POLK: variants seen among roughly 807,000 people sequenced by gnomAD.
POLK encodes DNA polymerase kappa, also known as polymerase (DNA directed) kappa.
In POLK, 76 loss-of-function variants were observed where a neutral mutation model predicts 94.0. That is an observed-to-expected ratio of 0.81 (90% CI 0.67 to 0.98). The LOEUF (loss-of-function observed/expected upper bound fraction) is 0.98. Among genes scored for constraint, POLK ranks in the 50% least tolerant of loss-of-function variants. The probability of loss-of-function intolerance (pLI) is 0.00; values close to 1 mark genes in which losing one functional copy is unlikely to be tolerated. For synonymous variants in POLK, 349 were observed against 325.4 expected (o/e 1.07, Z -0.78); for missense variants, 954 against 1,010.1 (o/e 0.94, Z 0.75).
At chr5:75,577,136 A>T (rs1771926678) in intron 6 of POLK, among the ~76,000 whole-genome samples, 1 of 152,214 alleles carries the variant, frequency 6.6e-6, no homozygotes. Context: ...TATAAACAAA[A>T]TGTGATTGTT....
intron 9 of POLK, 101 bp downstream of exon 9, chr5:75,585,027 C>T (rs1469798830): frequency 1.3e-6 from 1 of 754,532 alleles, no homozygotes; most frequent in Non-Finnish European, 2.2e-6. Context: ...TTTTAAAATT[C>T]TTTCAGGCTA....
chr5:75,518,383 AT>A (rs1768414858), intron 1 of POLK, among the ~76,000 whole-genome samples: 1 of 152,134 alleles, frequency 6.6e-6, no homozygotes, highest in Non-Finnish European at 1.5e-5. Flanking sequence ...GTGTCCAGGA[AT>A]TTATTAATTT....
chr5:75,567,097 C>G (rs941873312), intron 3 of POLK, among the ~76,000 whole-genome samples: 2 of 152,136 alleles, frequency 1.3e-5, no homozygotes, highest in African/African-American at 4.8e-5. Flanking sequence ...CTTTTGGCAA[C>G]TACACTTGCT....
chr5:75,583,331 G>A (rs766628193), exon 8 of POLK: 1 of 1,605,336 alleles, frequency 6.2e-7, no homozygotes, highest in South Asian at 1.1e-5. Flanking sequence ...AGTATGCAGT[G>A]ATAAGAATAA....
intron 1 of POLK, among the ~76,000 whole-genome samples, chr5:75,542,080 G>A (rs1031508557): frequency 1.6e-4 from 24 of 152,186 alleles, no homozygotes; most frequent in African/African-American, 5.1e-4. Context: ...AGAATAACGA[G>A]CATTTAATCA....
intron 3 of POLK, among the ~76,000 whole-genome samples, chr5:75,563,746 C>A (rs58789089): frequency 6.6e-6 from 1 of 152,044 alleles, no homozygotes; most frequent in Non-Finnish European, 1.5e-5. Context: ...AATTTGATTG[C>A]GCTGTGGTCT....
At chr5:75,609,155 TAA>T in the POLK span, 1 of 152,176 alleles carries the variant, frequency 6.6e-6, no homozygotes, top group Non-Finnish European at 1.5e-5. Context: ...CTGTCATTGA[TAA>T]GAGGATTTTT....
At position 75,576,710 on chromosome 5, in the gene POLK, A is replaced by G. The variant is rs2112797285; in HGVS notation, c.541-70A>G. 3 of 683,370 alleles carry G rather than the reference A, an allele frequency of 4.4e-6. No individual in the cohort carries two copies. The South Asian group carries it at 1.1e-4, about 26-fold the overall frequency. The allele number at this position is 683,370 out of a possible 1,614,324, so 42.3% of individuals were successfully genotyped here. ...CAAACTAAGAATATTAACATTTCTTATCAGCTACATATGACAGAAGAAGTT... is the reference window on the plus strand; with the variant it reads ...CAAACTAAGAATATTAACATTTCTTGTCAGCTACATATGACAGAAGAAGTT... On this transcript the variant is annotated intron_variant, in intron 5 of 14. Coordinates refer to ENST00000241436, the Ensembl canonical transcript of POLK.
chr5:75,527,546 C>T (rs1053742096), intron 1 of POLK, among the ~76,000 whole-genome samples: 2 of 144,108 alleles, frequency 1.4e-5, no homozygotes, highest in Non-Finnish European at 3.0e-5. Flanking sequence ...CACACAAGTA[C>T]GTGTGTGTAT....
intron 1 of POLK, among the ~76,000 whole-genome samples, chr5:75,513,118 G>A (rs1935083298): frequency 6.6e-6 from 1 of 152,186 alleles, no homozygotes; most frequent in Non-Finnish European, 1.5e-5. Flanking sequence ...ATTCTGAATG[G>A]TTGGTAGCAT....
intron 1 of POLK, among the ~76,000 whole-genome samples, chr5:75,513,928 T>C (rs1249021078): frequency 1.3e-5 from 2 of 152,148 alleles, no homozygotes; most frequent in Admixed American, 1.3e-4. Flanking sequence ...TGTGGTGGTA[T>C]ATTAGGTATC....
the POLK span, chr5:75,609,716 A>G: frequency 6.6e-6 from 1 of 152,154 alleles, no homozygotes; most frequent in African/African-American, 2.4e-5. Flanking sequence ...TCATATCTCT[A>G]TTACAAACAT....
At chr5:75,530,577 G>A (rs1769124222) in intron 1 of POLK, among the ~76,000 whole-genome samples, 1 of 150,706 alleles carries the variant, frequency 6.6e-6, no homozygotes, top group South Asian at 2.1e-4. Flanking sequence ...ACATACCTCA[G>A]TTTCCTCATC....
intron 1 of POLK, among the ~76,000 whole-genome samples, chr5:75,530,974 T>A (rs1335477225): frequency 1.3e-5 from 2 of 151,646 alleles, no homozygotes; most frequent in Admixed American, 6.6e-5. Flanking sequence ...CCCGGCTAAT[T>A]TTTTGTATTT....
intron 11 of POLK, among the ~76,000 whole-genome samples, chr5:75,591,006 G>A (rs1289822029): frequency 6.6e-6 from 1 of 152,100 alleles, no homozygotes; most frequent in Non-Finnish European, 1.5e-5. Flanking sequence ...GGTAGAGTCA[G>A]TACAAAGCGT....
chr5:75,534,952 G>A (rs1276661022), intron 1 of POLK: 4 of 152,078 alleles, frequency 2.6e-5, no homozygotes, highest in African/African-American at 7.2e-5. Flanking sequence ...TTTAATTGGG[G>A]TGTGCATTCA....
chr5:75,568,349 A>G lies in POLK; in HGVS notation c.256-991A>G, dbSNP rs192203846. The stretch of plus-strand genomic sequence containing the variant: ...TCTTGGTAACTTCCCTATGTTGCAT[A>G]GATCACAACTATTACACAGCCACCT... On this transcript the variant is annotated intron_variant, in intron 3 of 14. Transcript: ENST00000241436. Among the ~76,000 whole-genome samples, 668 of 152,334 alleles carry G rather than the reference A, an allele frequency of 4.4e-3. 3 individuals carry two copies. The highest frequency in any genetic ancestry group is 7.7e-3 in the Non-Finnish European group (522 of 68,026).
intron 1 of POLK, among the ~76,000 whole-genome samples, chr5:75,513,816 A>G (rs932081842): frequency 3.9e-5 from 6 of 152,216 alleles, no homozygotes; most frequent in Non-Finnish European, 7.4e-5. Context: ...GCATGTACAC[A>G]TGTTCTTTCT....
At chr5:75,526,465 CTTTTGTTTG>C (rs771450246) in intron 1 of POLK, among the ~76,000 whole-genome samples, 14 of 150,328 alleles carry the variant, frequency 9.3e-5, no homozygotes, top group Non-Finnish European at 1.8e-4. Flanking sequence ...ATTTGGTACC[CTTTTGTTTG>C]TTTTGTTTGT....
Sources: allele counts gnomAD v4.1 joint callset (sites outside exome capture counted in the v4.1 genomes callset), GRCh38; gene constraint gnomAD v4.1.1; transcripts MANE v1.5; gene names NCBI Gene and HGNC (gene_info 2026-07-23, HGNC 2026-07-21).